The following LRRC59 variants were observed in gnomAD, a reference collection of about 807,000 sequenced individuals.
LRRC59 encodes leucine-rich repeat-containing protein 59.
A neutral mutation model predicts 33.5 loss-of-function variants in LRRC59; 18 were observed. The ratio of observed to expected loss-of-function variants is 0.54; its 90% CI spans 0.37 to 0.80. LRRC59 has a LOEUF of 0.80. LRRC59 is among the 30% of genes least tolerant of loss of function. The pLI, the probability that LRRC59 is intolerant of heterozygous loss-of-function variation, is 0.00. For synonymous variants in LRRC59, 138 were observed against 160.0 expected, an observed-to-expected ratio of 0.86 and a Z score of 1.04; for missense variants, 330 against 391.9, an observed-to-expected ratio of 0.84 and a Z score of 1.33.
At chr17:50,394,846 TC>T in intron 2 of LRRC59, 82 bp downstream of exon 2, 1 of 960,488 alleles carries the variant, frequency 1.0e-6, no homozygotes, top group Non-Finnish European at 1.6e-6. Context: ...TATGACACCC[TC>T]CCACCCCCCT....
chr17:50,393,031 G>A (rs1914186328), intron 2 of LRRC59, 134 bp from the exon 3 acceptor site: 4 of 818,484 alleles, frequency 4.9e-6, no homozygotes, highest in Non-Finnish European at 5.7e-6. Flanking sequence ...CAGCTCATCA[G>A]TGTATTTCAT....
chr17:50,388,030 A>C, intron 5 of LRRC59, 30 bp downstream of exon 5: 1 of 1,611,388 alleles, frequency 6.2e-7, no homozygotes, highest in Non-Finnish European at 8.5e-7. Flanking sequence ...GAGGACCTGA[A>C]AGATAACTAC....
chr17:50,390,118 A>G (rs892622889), intron 4 of LRRC59, among the ~76,000 whole-genome samples: 3 of 148,736 alleles, frequency 2.0e-5, no homozygotes, highest in South Asian at 2.1e-4. Flanking sequence ...AAAAAAAAAG[A>G]AAAAGGAAAG....
At chr17:50,394,873 A>T (rs1438002061) in intron 2 of LRRC59, 56 bp downstream of exon 2, 2 of 1,048,588 alleles carry the variant, frequency 1.9e-6, no homozygotes, top group Non-Finnish European at 2.8e-6. Flanking sequence ...CCCCCGAAAC[A>T]GGAAGGAGAT....
chr17:50,396,579 A>G (rs1040397926), intron 1 of LRRC59: 1 of 152,404 alleles, frequency 6.6e-6, no homozygotes, highest in East Asian at 1.9e-4. Flanking sequence ...AACTAGCTCC[A>G]CGCTGACAAA....
At position 50,382,468 on chromosome 17, in the gene LRRC59, GGCT is replaced by G; in HGVS notation, c.*517_*519del. 6.4e-6 allele frequency: 1 copy of G among 155,484 alleles called. No homozygotes were observed. The highest frequency in any genetic ancestry group is 2.4e-5 in the African/African-American group (1 of 41,542). 9.6% of individuals were successfully genotyped at this position (155,484 alleles called of 1,614,324 possible). ...CCTTTCATAGCCAGAGATTTTGTGT[GGCT>G]GCTAAAATGCTTACATCTCTGAGGT... On this transcript the variant is annotated 3_prime_UTR_variant, in exon 7 of 7. Transcript: ENST00000225972.
At chr17:50,392,369 G>A (rs755433381) in intron 4 of LRRC59, 29 bp downstream of exon 4, 8 of 1,569,560 alleles carry the variant, frequency 5.1e-6, no homozygotes, top group Non-Finnish European at 7.0e-6. Flanking sequence ...AGTGTATAAG[G>A]AGCCACTGGG....
chr17:50,388,938 T>C (rs548920317), intron 4 of LRRC59, among the ~76,000 whole-genome samples: 40 of 152,330 alleles, frequency 2.6e-4, no homozygotes, highest in African/African-American at 9.6e-4. Flanking sequence ...CTGTCTGGTC[T>C]GTAGGTATCA....
intron 5 of LRRC59, among the ~76,000 whole-genome samples, chr17:50,387,662 T>C (rs962644558): frequency 5.9e-5 from 9 of 152,040 alleles, no homozygotes; most frequent in Non-Finnish European, 1.3e-4. Flanking sequence ...TGCTGACAGA[T>C]TGGATGTGGG....
chr17:50,386,733 C>G (rs886938896), intron 5 of LRRC59, among the ~76,000 whole-genome samples: 5 of 152,156 alleles, frequency 3.3e-5, no homozygotes, highest in African/African-American at 4.8e-5. Context: ...ACGGTGCTCT[C>G]AGGGACTGCC....
intron 3 of LRRC59, 48 bp downstream of exon 3, chr17:50,392,691 G>C: frequency 6.2e-7 from 1 of 1,603,966 alleles, no homozygotes; most frequent in Non-Finnish European, 8.5e-7. Context: ...CAGAGTCCCT[G>C]AGTTCTCTGC....
At chr17:50,387,996 G>A (rs1439267714) in intron 5 of LRRC59, 64 bp downstream of exon 5, 1 of 1,516,468 alleles carries the variant, frequency 6.6e-7, no homozygotes, top group Non-Finnish European at 9.2e-7. Flanking sequence ...AGCTCCTGAA[G>A]CATGAGAATC....
At chr17:50,394,635 G>T (rs568458718) in intron 2 of LRRC59, among the ~76,000 whole-genome samples, 17 of 152,220 alleles carry the variant, frequency 1.1e-4, no homozygotes, top group African/African-American at 4.1e-4. Context: ...AAATAATGTA[G>T]AAAAAAGATG....
In LRRC59 at chr17:50,397,412, G is replaced by C; in HGVS notation, c.-95C>G. On this transcript the variant is annotated 5_prime_UTR_variant, in exon 1 of 7. Transcript: ENST00000225972. ...CAGTTCAGCGGCCCCCCACCCAAAC[G>C]ACGACGCCTGAGCCCTCCGTCGCCG... is the stretch of plus-strand genomic sequence containing the variant. 1.1e-5 allele frequency: 10 copies of C among 902,186 alleles called. No individual in the cohort carries two copies. Among genetic ancestry groups the C allele is most frequent in the Non-Finnish European group, 1.6e-5 (10 of 622,658 alleles). The allele number at this position is 902,186 out of a possible 1,614,324, so 55.9% of individuals were successfully genotyped here. A position where few individuals can be genotyped will look rare whatever the true frequency, so the allele number is the denominator to read the frequency against.
At chr17:50,396,103 G>T (rs571501168) in intron 1 of LRRC59, 1 of 152,338 alleles carries the variant, frequency 6.6e-6, no homozygotes, top group East Asian at 1.9e-4. Flanking sequence ...CATATATTCA[G>T]TTAAGGATCC....
chr17:50,382,816 C>A lies in LRRC59; in HGVS notation c.*172G>T. 1.3e-6 allele frequency: 1 copy of A among 791,068 alleles called. No homozygotes were observed. Among genetic ancestry groups the A allele is most frequent in the East Asian group, 3.1e-5 (1 of 32,718 alleles). The allele number at this position is 791,068 out of a possible 1,614,324, so 49.0% of individuals were successfully genotyped here. A position where few individuals can be genotyped will look rare whatever the true frequency, so the allele number is the denominator to read the frequency against. On this transcript the variant is annotated 3_prime_UTR_variant, in exon 7 of 7. Transcript: ENST00000225972. The stretch of plus-strand genomic sequence containing the variant: ...CATTTCTCCTCATTCCTTCAGGGAA[C>A]CCTGACTAAGGAATGAAGAAGTCCT...
In LRRC59 at chr17:50,392,875, T is replaced by C; in HGVS notation, c.188A>G (p.His63Arg). ...TLPSDFCGLT[H>R]LVKLDLSKNK... ...CTTACTCAGGTCTAGCTTCACCAGG[T>C]GTGTGAGGCCACAGAAATCCGACTA... is the stretch of plus-strand genomic sequence containing the variant. The change falls in exon 3 of 7, where the codon CAC becomes CGC. Residue 63 changes from histidine (H) to arginine (R), a missense_variant. Coordinates refer to ENST00000225972, the MANE Select transcript of LRRC59 (RefSeq NM_018509.4). The C allele has an allele frequency of 6.2e-7, 1 of 1,613,754 alleles. No homozygotes were observed. The highest frequency in any genetic ancestry group is 8.5e-7 in the Non-Finnish European group (1 of 1,179,674).
At position 50,382,641 on chromosome 17, in the gene LRRC59, A is replaced by G. The variant is rs377582963; in HGVS notation, c.*347T>C. The stretch of plus-strand genomic sequence containing the variant: ...TTGTGGCATACAAAAGTATAAATGT[A>G]GTGACAGCTGACCATTTAGTAGAAA... On this transcript the variant is annotated 3_prime_UTR_variant, in exon 7 of 7. Coordinates refer to ENST00000225972, the MANE Select transcript of LRRC59 (RefSeq NM_018509.4). 3.5e-6 allele frequency: 1 copy of G among 282,328 alleles called. No individual in the cohort carries two copies. The highest frequency in any genetic ancestry group is 2.2e-5 in the African/African-American group (1 of 45,896). 17.5% of individuals were successfully genotyped at this position (282,328 alleles called of 1,614,324 possible).
intron 4 of LRRC59, among the ~76,000 whole-genome samples, chr17:50,389,520 C>G (rs1261991375): frequency 2.0e-5 from 3 of 152,104 alleles, no homozygotes; most frequent in East Asian, 3.9e-4. Context: ...TATTGGCTGC[C>G]TTGTATAATC....
Sources: gnomAD v4.1 joint callset for allele counts (sites outside exome capture counted in the v4.1 genomes callset) on GRCh38, gnomAD v4.1.1 for gene constraint, MANE v1.5 for transcripts, NCBI Gene and HGNC (gene_info 2026-07-23, HGNC 2026-07-21) for gene names.